Variants in KCNH8 observed in about 807,000 individuals in gnomAD.
KCNH8 encodes the protein voltage-gated delayed rectifier potassium channel KCNH8.
KCNH8 carries 70 observed loss-of-function variants against 103.6 expected under a neutral mutation model. That is an observed-to-expected ratio of 0.68 (90% CI 0.56 to 0.82). KCNH8 has a LOEUF of 0.82. Ranked by LOEUF, KCNH8 falls within the 40% of genes least tolerant of loss-of-function variation. KCNH8 has a pLI of 0.00. For synonymous variants in KCNH8, 498 were observed against 489.4 expected (o/e 1.02, Z -0.23); for missense variants, 1,217 against 1,329.9 (o/e 0.92, Z 1.32).
chr3:19,374,271 G>T (rs1007004237), intron 5 of KCNH8, among the ~76,000 whole-genome samples: 1 of 151,524 alleles, frequency 6.6e-6, no homozygotes, highest in Non-Finnish European at 1.5e-5. Context: ...ACTCAGGACT[G>T]GCTTTATGAA....
intron 1 of KCNH8, among the ~76,000 whole-genome samples, chr3:19,174,788 T>C (rs2063381626): frequency 6.6e-6 from 1 of 152,200 alleles, no homozygotes; most frequent in African/African-American, 2.4e-5. Context: ...AAAGAAGAAA[T>C]ATATGCAATT....
chr3:19,207,307 G>T (rs1362768831), intron 1 of KCNH8, among the ~76,000 whole-genome samples: 1 of 151,960 alleles, frequency 6.6e-6, no homozygotes, highest in Non-Finnish European at 1.5e-5. Flanking sequence ...GGAGATAGCA[G>T]TTTGAGCAGA....
At chr3:19,418,587 A>G (rs1271159551) in intron 7 of KCNH8, among the ~76,000 whole-genome samples, 1 of 152,064 alleles carries the variant, frequency 6.6e-6, no homozygotes. Context: ...ATTAGTCACT[A>G]ATTTGCCATC....
chr3:19,202,328 A>G (rs551960861), intron 1 of KCNH8, among the ~76,000 whole-genome samples: 1 of 152,232 alleles, frequency 6.6e-6, no homozygotes, highest in South Asian at 2.1e-4. Flanking sequence ...CTTTGTTTGC[A>G]TCTCCTGCCA....
At chr3:19,530,774 A>C (rs1048610829) in intron 15 of KCNH8, among the ~76,000 whole-genome samples, 12 of 152,328 alleles carry the variant, frequency 7.9e-5, no homozygotes, top group African/African-American at 2.9e-4. Context: ...TTTCTTAAGC[A>C]ATATTTCTTT....
At chr3:19,352,549 C>T (rs1575548554) in intron 5 of KCNH8, among the ~76,000 whole-genome samples, 2 of 152,158 alleles carry the variant, frequency 1.3e-5, no homozygotes, top group Non-Finnish European at 1.5e-5. Context: ...GACCACAGTG[C>T]AATCAAACTA....
intron 1 of KCNH8, among the ~76,000 whole-genome samples, chr3:19,167,413 A>G (rs1199509052): frequency 3.3e-5 from 5 of 152,240 alleles, no homozygotes; most frequent in Non-Finnish European, 7.3e-5. Context: ...AATGTGAATC[A>G]TTTTATAAAA....
intron 5 of KCNH8, among the ~76,000 whole-genome samples, chr3:19,351,963 C>T (rs1211245198): frequency 1.3e-5 from 2 of 152,032 alleles, no homozygotes; most frequent in Admixed American, 6.6e-5. Context: ...AGAGTCAAGA[C>T]CCATCAGTGT....
At chr3:19,415,910 T>G (rs1482870433) in intron 7 of KCNH8, among the ~76,000 whole-genome samples, 1 of 152,096 alleles carries the variant, frequency 6.6e-6, no homozygotes, top group Non-Finnish European at 1.5e-5. Context: ...AGTGCTTAAT[T>G]CTTATTTTAA....
rs1337952805 is a variant in KCNH8 at position 19,504,016 on chromosome 3, T to C, written c.2041-6347T>C. Among the ~76,000 whole-genome samples the C allele has an allele frequency of 5.3e-5, 8 of 151,988 alleles. 1 individual carries two copies. In the East Asian group the frequency reaches 7.7e-4, roughly 15 times the overall value. ...GACACATAAGTCAATGGAACAGAAT[T>C]GAGAGTCCAGAAATAAGGCCACACA... On this transcript the variant is annotated intron_variant, in intron 11 of 15. Coordinates refer to ENST00000328405, the MANE Select transcript of KCNH8 (RefSeq NM_144633.3).
intron 7 of KCNH8, among the ~76,000 whole-genome samples, chr3:19,414,618 T>C (rs561502104): frequency 1.3e-5 from 2 of 152,054 alleles, no homozygotes; most frequent in East Asian, 3.9e-4. Context: ...ACCCAATGAG[T>C]AGTAAAATTA....
intron 1 of KCNH8, among the ~76,000 whole-genome samples, chr3:19,229,929 T>C (rs755916688): frequency 3.3e-5 from 5 of 152,170 alleles, no homozygotes; most frequent in African/African-American, 9.6e-5. Context: ...TCTATTTTCA[T>C]GCTGCTGATA....
intron 3 of KCNH8, among the ~76,000 whole-genome samples, chr3:19,328,278 A>T (rs1181382125): frequency 1.3e-5 from 2 of 152,148 alleles, no homozygotes; most frequent in Non-Finnish European, 2.9e-5. Context: ...ATAAACTATC[A>T]TTCCTAAATC....
Position 19,451,268 on chromosome 3 carries a change from G to C in KCNH8, c.1689G>C (p.Leu563=), listed in dbSNP as rs1235235414. The C allele has an allele frequency of 1.2e-6, 2 of 1,613,948 alleles. No homozygotes were observed. The highest frequency in any genetic ancestry group is 2.2e-5 in the East Asian group (1 of 44,874). ...CCAGCCGGGGCTGCCTCAGGTCTCT[G>C]TCTCTACACATCAAAACCTCTTTCT... The part of the protein sequence containing the change: ...ECASRGCLRS[L]SLHIKTSFCA... The change falls in exon 10 of 16, where the codon CTG becomes CTC. Residue 563 remains leucine, a synonymous_variant. Coordinates refer to ENST00000328405, the MANE Select transcript of KCNH8 (RefSeq NM_144633.3).
chr3:19,274,421 G>T (rs1293611893), intron 2 of KCNH8, among the ~76,000 whole-genome samples: 1 of 152,118 alleles, frequency 6.6e-6, no homozygotes, highest in African/African-American at 2.4e-5. Context: ...ACTGTACTCA[G>T]TTGTTCCATT....
intron 5 of KCNH8, among the ~76,000 whole-genome samples, chr3:19,369,195 A>G (rs570198367): frequency 6.6e-6 from 1 of 152,140 alleles, no homozygotes; most frequent in East Asian, 1.9e-4. Context: ...GGTTGTAACA[A>G]GGATACAGAA....
intron 2 of KCNH8, among the ~76,000 whole-genome samples, chr3:19,254,815 G>T (rs1218857093): frequency 1.3e-5 from 2 of 152,108 alleles, no homozygotes; most frequent in African/African-American, 4.8e-5. Context: ...AGCATTCTTT[G>T]TAATTAGGTT....
intron 3 of KCNH8, among the ~76,000 whole-genome samples, chr3:19,289,077 GT>G (rs2064879143): frequency 6.6e-6 from 1 of 152,010 alleles, no homozygotes. Context: ...TGATGGGGTT[GT>G]TTTTTTCTTG....
At chr3:19,512,619 A>G (rs2068801567) in intron 12 of KCNH8, among the ~76,000 whole-genome samples, 1 of 152,204 alleles carries the variant, frequency 6.6e-6, no homozygotes, top group Non-Finnish European at 1.5e-5. Context: ...TTCTAAGAGC[A>G]TGCCATCATA....
Sources: gnomAD v4.1 joint callset for allele counts (sites outside exome capture counted in the v4.1 genomes callset) on GRCh38, gnomAD v4.1.1 for gene constraint, MANE v1.5 for transcripts, NCBI Gene and HGNC (gene_info 2026-07-23, HGNC 2026-07-21) for gene names.